COL22A1: variants seen among roughly 807,000 people sequenced by gnomAD.
COL22A1 encodes collagen alpha-1(XXII) chain.
In COL22A1, 221 loss-of-function variants were observed where a neutral mutation model predicts 248.9. That is an observed-to-expected ratio of 0.89 (90% confidence interval 0.80 to 0.99). COL22A1 has a LOEUF of 0.99. Among genes scored for constraint, COL22A1 ranks in the 50% least tolerant of loss-of-function variants. COL22A1 has a pLI of 0.00. For synonymous variants in COL22A1, 891 were observed against 793.4 expected (o/e 1.12, Z -2.07); for missense variants, 2,240 against 2,179.0 (o/e 1.03, Z -0.56).
chr8:138,744,516 A>G (rs1426433206), intron 22 of COL22A1, among the ~76,000 whole-genome samples: 1 of 151,212 alleles, frequency 6.6e-6, no homozygotes, highest in Non-Finnish European at 1.5e-5. Context: ...CATACTCACA[A>G]TATTGAAGCA....
At chr8:138,899,552 C>A (rs1879048) in intron 1 of COL22A1, among the ~76,000 whole-genome samples, 16,047 of 151,988 alleles carry the variant, frequency 0.11, 924 homozygotes, top group Middle Eastern at 0.16. Context: ...GAGAGGGAGT[C>A]TCACTCTATG....
intron 30 of COL22A1, among the ~76,000 whole-genome samples, chr8:138,703,847 C>T (rs1828174262): frequency 6.6e-6 from 1 of 152,102 alleles, no homozygotes; most frequent in African/African-American, 2.4e-5. Context: ...CCAGGAGGCA[C>T]AAAGAGTTGG....
rs199616921 is a variant in COL22A1, at chr8:138,751,529, A to G, written c.2032-18T>C. The G allele has an allele frequency of 1.3e-6, 2 of 1,586,720 alleles. No individual in the cohort carries two copies. The highest frequency in any genetic ancestry group is 1.7e-6 in the Non-Finnish European group (2 of 1,160,792). The stretch of plus-strand genomic sequence containing the variant: ...ATTGGACCCTTTAGGAGGGAGAAAA[A>G]GGAAAAAGAGAGAGAAACATAATGG... On this transcript the variant is annotated intron_variant, in intron 21 of 64. Coordinates refer to ENST00000303045, the MANE Select transcript of COL22A1 (RefSeq NM_152888.3).
chr8:138,776,054 C>T, intron 15 of COL22A1, 44 bp from the exon 16 acceptor site: 7 of 1,600,664 alleles, frequency 4.4e-6, no homozygotes, highest in Non-Finnish European at 6.0e-6. Flanking sequence ...CTTAATCTGG[C>T]TTCTCTGTGC....
rs1305047838 is a variant in COL22A1 at position 138,796,810 on chromosome 8, G to T, written c.1596+9C>A. 6.3e-7 allele frequency: 1 copy of T among 1,581,152 alleles called. No individual in the cohort carries two copies. The highest frequency in any genetic ancestry group is 8.7e-7 in the Non-Finnish European group (1 of 1,150,148). ...CCTTGGAGGAGTGTGATAAAAGGAA[G>T]ATGCTTACCTTTTCACCCTTTTCCC... On this transcript the variant is annotated intron_variant, in intron 12 of 64. Coordinates refer to ENST00000303045, the MANE Select transcript of COL22A1 (RefSeq NM_152888.3).
At chr8:138,781,787 G>A (rs747020480) in intron 12 of COL22A1, among the ~76,000 whole-genome samples, 9 of 152,210 alleles carry the variant, frequency 5.9e-5, no homozygotes, top group Admixed American at 2.0e-4. Context: ...AGATCTCCCC[G>A]CCCCACTCCC....
intron 62 of COL22A1, 67 bp from the exon 63 acceptor site, chr8:138,594,266 TC>T: frequency 1.4e-6 from 2 of 1,432,968 alleles, no homozygotes; most frequent in Non-Finnish European, 9.4e-7. Context: ...GGATGGCTAC[TC>T]ACTGACAACT....
In COL22A1 at chr8:138,630,500, A is replaced by G. The variant is rs1185900993; in HGVS notation, c.3663+195T>C. Among the ~76,000 whole-genome samples, 5 of 152,330 alleles carry G rather than the reference A, an allele frequency of 3.3e-5. No individual in the cohort carries two copies. In the South Asian group the frequency reaches 6.2e-4, roughly 19 times the overall value. ...ATCATTCCAACCAAACCTTTACTTTAGCAGCAAAGTAAACAGGGGTCCAAC... is the reference window on the plus strand; with the variant it reads ...ATCATTCCAACCAAACCTTTACTTTGGCAGCAAAGTAAACAGGGGTCCAAC... On this transcript the variant is annotated intron_variant, in intron 50 of 64. Coordinates refer to ENST00000303045, the MANE Select transcript of COL22A1 (RefSeq NM_152888.3).
In COL22A1 at chr8:138,796,998, G is replaced by T. The variant is rs1043428255; in HGVS notation, c.1558-141C>A. The T allele has an allele frequency of 8.5e-6, 6 of 704,276 alleles. 1 individual carries two copies. The Middle Eastern group carries it at 7.3e-4, about 85-fold the overall frequency. 43.6% of individuals were successfully genotyped at this position (704,276 alleles called of 1,614,324 possible). On this transcript the variant is annotated intron_variant, in intron 11 of 64. Transcript: ENST00000303045. The stretch of plus-strand genomic sequence containing the variant: ...CCCAGTAGCCACTAAAAGAAATGGT[G>T]ACTATTGTTAACTGAGTGTGCATTC...
chr8:138,735,945 C>G (rs1032074553), intron 23 of COL22A1, among the ~76,000 whole-genome samples: 3 of 152,130 alleles, frequency 2.0e-5, no homozygotes, highest in African/African-American at 7.2e-5. Flanking sequence ...GTGGGGCTGT[C>G]CAGTCCCGAG....
intron 16 of COL22A1, among the ~76,000 whole-genome samples, chr8:138,767,990 C>A (rs917728860): frequency 6.6e-6 from 1 of 152,208 alleles, no homozygotes; most frequent in Non-Finnish European, 1.5e-5. Flanking sequence ...CCCCTGAAAT[C>A]GGCTGCAGCC....
chr8:138,826,767 T>G lies in COL22A1; in HGVS notation c.860A>C (p.Gln287Pro), dbSNP rs1479800194. The G allele has an allele frequency of 6.2e-7, 1 of 1,613,982 alleles. No individual in the cohort carries two copies. Among genetic ancestry groups the G allele is most frequent in the East Asian group, 2.2e-5 (1 of 44,866 alleles). Residue 287 changes from glutamine (Q) to proline (P), a missense_variant, in exon 6 of 65, where the codon CAA becomes CCA. By Grantham distance (76) the Gln-to-Pro change is moderately conservative. Coordinates refer to ENST00000303045, the MANE Select transcript of COL22A1 (RefSeq NM_152888.3). ...VVQSTEDVFP[Q>P]GLPDEYAFVT... is the part of the protein sequence containing the mutation. Reference sequence around the variant, plus strand: ...AAAGGCGTACTCATCAGGTAAACCTTGGGGGAACACATCCCTGGAGAAAAA... The same window carrying G: ...AAAGGCGTACTCATCAGGTAAACCTGGGGGGAACACATCCCTGGAGAAAAA...
At chr8:138,824,394 T>C (rs1416826426) in intron 6 of COL22A1, among the ~76,000 whole-genome samples, 1 of 152,224 alleles carries the variant, frequency 6.6e-6, no homozygotes, top group Non-Finnish European at 1.5e-5. Flanking sequence ...AAAATTAATC[T>C]ATAACCTGAT....
At chr8:138,784,947 G>A (rs745635378) in intron 12 of COL22A1, among the ~76,000 whole-genome samples, 12 of 152,150 alleles carry the variant, frequency 7.9e-5, no homozygotes, top group South Asian at 2.1e-4. Context: ...AATAGTGTCC[G>A]AACTCACATC....
intron 44 of COL22A1, 27 bp downstream of exon 44, chr8:138,660,409 T>G: frequency 6.2e-7 from 1 of 1,600,822 alleles, no homozygotes; most frequent in Non-Finnish European, 8.6e-7. Context: ...ATAGTCAATA[T>G]TCATCCAGAA....
chr8:138,705,942 C>A (rs1182625662), intron 30 of COL22A1, among the ~76,000 whole-genome samples: 1 of 152,040 alleles, frequency 6.6e-6, no homozygotes, highest in Non-Finnish European at 1.5e-5. Flanking sequence ...GGAAGATCTA[C>A]CAAGCAAATG....
intron 1 of COL22A1, among the ~76,000 whole-genome samples, chr8:138,886,182 C>A (rs1824650978): frequency 6.6e-6 from 1 of 152,226 alleles, no homozygotes; most frequent in Admixed American, 6.5e-5. Flanking sequence ...AGTCATATTT[C>A]TCACTTGAGG....
intron 50 of COL22A1, among the ~76,000 whole-genome samples, chr8:138,628,405 G>A (rs1475177973): frequency 1.3e-5 from 2 of 152,142 alleles, no homozygotes; most frequent in Non-Finnish European, 2.9e-5. Flanking sequence ...TGGCCCACAT[G>A]GTGAAACCCC....
intron 41 of COL22A1, among the ~76,000 whole-genome samples, chr8:138,669,031 T>G (rs1214946164): frequency 6.6e-6 from 1 of 152,012 alleles, no homozygotes; most frequent in African/African-American, 2.4e-5. Flanking sequence ...GCAGCAGGGG[T>G]GCCTCCAGGA....
Sources: gnomAD v4.1 joint callset for allele counts (sites outside exome capture counted in the v4.1 genomes callset) on GRCh38, gnomAD v4.1.1 for gene constraint, MANE v1.5 for transcripts, NCBI Gene and HGNC (gene_info 2026-07-23, HGNC 2026-07-21) for gene names.